Variants in TULP4 observed in about 807,000 individuals in gnomAD.
TULP4 encodes tubby-related protein 4.
TULP4 carries 16 observed loss-of-function variants against 129.0 expected under a neutral mutation model. The ratio of observed to expected loss-of-function variants is 0.12; its 90% CI spans 0.08 to 0.19. The LOEUF (loss-of-function observed/expected upper bound fraction) is 0.19, where lower values mean the gene tolerates loss of function less well. Ranked by LOEUF, TULP4 falls within the 10% of genes least tolerant of loss-of-function variation. TULP4 has a pLI of 1.00. For synonymous variants in TULP4, 998 were observed against 854.0 expected (o/e 1.17, Z -2.94); for missense variants, 1,842 against 2,059.1 (o/e 0.89, Z 2.04).
chr6:158,256,310 T>C (rs1778242754), intron 1 of TULP4, among the ~76,000 whole-genome samples: 1 of 152,214 alleles, frequency 6.6e-6, no homozygotes, highest in Admixed American at 6.5e-5. Flanking sequence ...TCTGTATGTA[T>C]GTATATATAT....
chr6:158,474,995 G>A (rs1020219814), intron 6 of TULP4, among the ~76,000 whole-genome samples: 22 of 152,342 alleles, frequency 1.4e-4, no homozygotes, highest in African/African-American at 5.1e-4. Flanking sequence ...TAACTAGCAT[G>A]GATCTGTCCA....
intron 1 of TULP4, among the ~76,000 whole-genome samples, chr6:158,405,885 G>A (rs1355787504): frequency 6.6e-6 from 1 of 152,182 alleles, no homozygotes; most frequent in African/African-American, 2.4e-5. Flanking sequence ...TTTCTCTTTA[G>A]TGTGATTTTA....
At chr6:158,247,401 C>G (rs1317495670) in intron 1 of TULP4, among the ~76,000 whole-genome samples, 1 of 152,216 alleles carries the variant, frequency 6.6e-6, no homozygotes, top group Non-Finnish European at 1.5e-5. Flanking sequence ...CAGCTAGTTA[C>G]TAGTTGGAAC....
At chr6:158,383,029 A>G (rs549345085) in intron 1 of TULP4, among the ~76,000 whole-genome samples, 1 of 152,344 alleles carries the variant, frequency 6.6e-6, no homozygotes, top group East Asian at 1.9e-4. Context: ...GTCGCAGCCA[A>G]TTTAGCCGTG....
At chr6:158,401,054 TTGTTGTTG>T in intron 1 of TULP4, among the ~76,000 whole-genome samples, 1 of 49,122 alleles carries the variant, frequency 2.0e-5, no homozygotes, top group Non-Finnish European at 4.6e-5. Flanking sequence ...GGGTTTTTTG[TTGTTGTTG>T]TTGTTGTTGT....
In TULP4 at chr6:158,511,231, G is replaced by A. The variant is rs781017422; in HGVS notation, c.*4537G>A. On this transcript the variant is annotated 3_prime_UTR_variant, in exon 14 of 14. Coordinates refer to ENST00000367097, the MANE Select transcript of TULP4 (RefSeq NM_020245.5). ...GTTTATTGTAGATAAAAATTTTTTCGTGTTGTAGAAAAGCATGGGTTATGC... is the reference window on the plus strand; with the variant it reads ...GTTTATTGTAGATAAAAATTTTTTCATGTTGTAGAAAAGCATGGGTTATGC... 5.2e-5 allele frequency: 8 copies of A among 152,484 alleles called. No homozygotes were observed. Among genetic ancestry groups the A allele is most frequent in the Non-Finnish European group, 1.2e-4 (8 of 68,010 alleles). The allele number at this position is 152,484 out of a possible 1,614,324, so 9.4% of individuals were successfully genotyped here. A position where few individuals can be genotyped will look rare whatever the true frequency, so the allele number is the denominator to read the frequency against.
chr6:158,388,530 C>T (rs1365511794), intron 1 of TULP4, among the ~76,000 whole-genome samples: 4 of 151,084 alleles, frequency 2.6e-5, no homozygotes, highest in African/African-American at 7.3e-5. Context: ...GGGGTTTCAC[C>T]GTGTTAGCCA....
Position 158,318,802 on chromosome 6 carries a change from C to T in TULP4, c.252+4534C>T, listed in dbSNP as rs556333964. On this transcript the variant is annotated intron_variant, in intron 1 of 13. Coordinates refer to ENST00000367097, the MANE Select transcript of TULP4 (RefSeq NM_020245.5). ...ATGCAGTGGCACAATCACCGCTCACCGTAGCCTCTGCCTCCTGGGTTTGAG... is the reference window on the plus strand; with the variant it reads ...ATGCAGTGGCACAATCACCGCTCACTGTAGCCTCTGCCTCCTGGGTTTGAG... Among the ~76,000 whole-genome samples, 17 of 152,164 alleles carry T rather than the reference C, an allele frequency of 1.1e-4. 1 individual carries two copies. The highest frequency in any genetic ancestry group is 3.9e-4 in the Admixed American group (6 of 15,292).
chr6:158,450,883 C>T (rs1254344843), intron 4 of TULP4, among the ~76,000 whole-genome samples: 7 of 151,844 alleles, frequency 4.6e-5, no homozygotes, highest in African/African-American at 1.7e-4. Flanking sequence ...GCTGAAATCC[C>T]GTCTCTACTA....
At chr6:158,368,945 G>C (rs1777004562) in intron 1 of TULP4, among the ~76,000 whole-genome samples, 1 of 152,120 alleles carries the variant, frequency 6.6e-6, no homozygotes, top group South Asian at 2.1e-4. Flanking sequence ...AGAAAAATGT[G>C]CTATGATGTA....
At chr6:158,251,699 T>C (rs1463328522) in intron 1 of TULP4, among the ~76,000 whole-genome samples, 2 of 152,236 alleles carry the variant, frequency 1.3e-5, no homozygotes, top group Non-Finnish European at 2.9e-5. Context: ...GGAAAATGAC[T>C]GCTCGCATGC....
chr6:158,331,007 A>G (rs1190131281), intron 1 of TULP4, among the ~76,000 whole-genome samples: 2 of 152,202 alleles, frequency 1.3e-5, no homozygotes, highest in African/African-American at 4.8e-5. Flanking sequence ...GGAGGTGCAC[A>G]GTAGCTATCT....
chr6:158,238,065 A>G (rs1250589000), intron 1 of TULP4: 2 of 702,924 alleles, frequency 2.8e-6, no homozygotes, highest in Non-Finnish European at 5.3e-6. Flanking sequence ...CATCAGTGGT[A>G]CTATTAAATC....
At chr6:158,437,594 A>G (rs1434610167) in intron 3 of TULP4, among the ~76,000 whole-genome samples, 1 of 152,202 alleles carries the variant, frequency 6.6e-6, no homozygotes, top group Non-Finnish European at 1.5e-5. Context: ...AAAAATAATT[A>G]GTATGCAGAT....
chr6:158,314,568 C>T (rs763947608), intron 1 of TULP4, among the ~76,000 whole-genome samples: 1 of 152,156 alleles, frequency 6.6e-6, no homozygotes, highest in Non-Finnish European at 1.5e-5. Flanking sequence ...GAGGCCAGGG[C>T]GCTTTCTAAC....
chr6:158,277,566 T>G (rs1488995518), upstream of TULP4, among the ~76,000 whole-genome samples: 1 of 152,178 alleles, frequency 6.6e-6, no homozygotes, highest in Non-Finnish European at 1.5e-5. Context: ...GGAGCAAGGA[T>G]TAGCTTTGGC....
At chr6:158,258,718 C>G (rs984615034) in intron 1 of TULP4, among the ~76,000 whole-genome samples, 1 of 152,198 alleles carries the variant, frequency 6.6e-6, no homozygotes, top group Non-Finnish European at 1.5e-5. Flanking sequence ...CCGCCATCAC[C>G]AGTGCTAACA....
At chr6:158,336,812 T>C (rs1191279744) in intron 1 of TULP4, among the ~76,000 whole-genome samples, 1 of 152,186 alleles carries the variant, frequency 6.6e-6, no homozygotes, top group African/African-American at 2.4e-5. Context: ...TTTTTTGGTC[T>C]ATTTTGAATT....
upstream of TULP4, among the ~76,000 whole-genome samples, chr6:158,309,006 G>A (rs1779280319): frequency 6.8e-6 from 1 of 147,178 alleles, no homozygotes; most frequent in Admixed American, 6.6e-5. Flanking sequence ...CTCCCTCCCG[G>A]ACAGGGCGGC....
Sources: gnomAD v4.1 joint callset for allele counts (sites outside exome capture counted in the v4.1 genomes callset) on GRCh38, gnomAD v4.1.1 for gene constraint, MANE v1.5 for transcripts, NCBI Gene and HGNC (gene_info 2026-07-23, HGNC 2026-07-21) for gene names.